COL17A1: variants seen among roughly 807,000 people sequenced by gnomAD.
The protein encoded by COL17A1 is collagen alpha-1(XVII) chain.
In COL17A1, 181 loss-of-function variants were observed where a neutral mutation model predicts 218.4. That is an observed-to-expected ratio of 0.83 (90% confidence interval 0.73 to 0.94). The LOEUF (loss-of-function observed/expected upper bound fraction) is 0.94, where lower values mean the gene tolerates loss of function less well. Ranked by LOEUF, COL17A1 falls within the 40% of genes least tolerant of loss-of-function variation. The pLI, the probability that COL17A1 is intolerant of heterozygous loss-of-function variation, is 0.00. For synonymous variants in COL17A1, 721 were observed against 731.0 expected (o/e 0.99, Z 0.22); for missense variants, 1,924 against 1,945.9 (o/e 0.99, Z 0.21).
chr10:104,078,945 G>A (rs2274107), intron 2 of COL17A1, among the ~76,000 whole-genome samples: 21,892 of 152,176 alleles, frequency 0.14, 1,854 homozygotes, highest in South Asian at 0.21. Flanking sequence ...AAGTCACTCC[G>A]TTTCTCTGCA....
At position 104,038,503 on chromosome 10, in the gene COL17A1, C is replaced by T. The variant is rs2086325535; in HGVS notation, c.2973G>A (p.Val991=). Residue 991 remains valine, a synonymous_variant, in exon 45 of 56, where the codon GTG becomes GTA. Coordinates refer to ENST00000648076, the MANE Select transcript of COL17A1 (RefSeq NM_000494.4). ...GCCCAGGGGGCCCTGGCGGGCCTGA[C>T]ACGTACATGGTACTTGATGATCCCC... ...SEGGSSSTMY[V]SGPPGPPGPP... The T allele has an allele frequency of 3.1e-6, 5 of 1,613,492 alleles. No individual in the cohort carries two copies. The highest frequency in any genetic ancestry group is 2.7e-5 in the African/African-American group (2 of 75,010).
chr10:104,067,763 G>A (rs1406401097), intron 9 of COL17A1, among the ~76,000 whole-genome samples: 1 of 152,150 alleles, frequency 6.6e-6, no homozygotes, highest in African/African-American at 2.4e-5. Context: ...TTAACATGGC[G>A]AGTGCGCTGG....
At chr10:104,036,709 C>A in intron 47 of COL17A1, 77 bp from the exon 48 acceptor site, 1 of 1,554,320 alleles carries the variant, frequency 6.4e-7, no homozygotes, top group Admixed American at 1.8e-5. Flanking sequence ...ACAGCCTGGG[C>A]TCCCCTGCAC....
At chr10:104,048,172 T>C in intron 29 of COL17A1, 68 bp from the exon 30 acceptor site, 2 of 1,561,672 alleles carry the variant, frequency 1.3e-6, no homozygotes, top group East Asian at 2.2e-5. Flanking sequence ...CCCTCTACTG[T>C]CCCAGTGGCC....
chr10:104,036,758 G>A (rs767724439), intron 47 of COL17A1, 126 bp from the exon 48 acceptor site: 4 of 1,192,440 alleles, frequency 3.4e-6, no homozygotes, highest in Non-Finnish European at 4.8e-6. Flanking sequence ...TTCTGGGTCC[G>A]CAGGACCACG....
chr10:104,062,614 C>G (rs904031909), intron 11 of COL17A1, among the ~76,000 whole-genome samples: 10 of 152,032 alleles, frequency 6.6e-5, no homozygotes, highest in African/African-American at 2.4e-4. Flanking sequence ...GCTGACAGAT[C>G]TCTCAAAATT....
rs2086331738 is a variant in COL17A1 at position 104,039,096 on chromosome 10, A to G, written c.2922T>C (p.Leu974=). The stretch of plus-strand genomic sequence containing the variant: ...CTTCAGAAGGACCACTAGGAATGCC[A>G]AGAGCCCCTGGAACACCTGGATCAC... ...DKGDPGVPGA[L]GIPSGPSEGG... is the part of the protein sequence containing the mutation. The change falls in exon 44 of 56, where the codon CTT becomes CTC. Residue 974 remains leucine, a synonymous_variant. Coordinates refer to ENST00000648076, the MANE Select transcript of COL17A1 (RefSeq NM_000494.4). 1.9e-6 allele frequency: 3 copies of G among 1,614,180 alleles called. No homozygotes were observed. Among genetic ancestry groups the G allele is most frequent in the African/African-American group, 1.3e-5 (1 of 75,050 alleles).
chr10:104,067,759 T>C (rs1038568430), intron 9 of COL17A1, among the ~76,000 whole-genome samples: 1 of 151,744 alleles, frequency 6.6e-6, no homozygotes, highest in Non-Finnish European at 1.5e-5. Context: ...GCTGTTAACA[T>C]GGCGAGTGCG....
rs187339336 is a variant in COL17A1 at position 104,068,731 on chromosome 10, T to C, written c.607+1695A>G. On this transcript the variant is annotated intron_variant, in intron 9 of 55. Transcript: ENST00000648076. Reference sequence around the variant, plus strand: ...GCAGAGATAGCCATAGGCAAAACTATAGAAGCTGTGGGGAACAGGCTTGCA... The same window carrying C: ...GCAGAGATAGCCATAGGCAAAACTACAGAAGCTGTGGGGAACAGGCTTGCA... Among the ~76,000 whole-genome samples the C allele has an allele frequency of 3.7e-3, 557 of 152,346 alleles. 4 individuals carry two copies. Among genetic ancestry groups the C allele is most frequent in the Non-Finnish European group, 6.0e-3 (408 of 68,030 alleles).
intron 35 of COL17A1, 92 bp from the exon 36 acceptor site, chr10:104,042,547 G>T: frequency 7.9e-7 from 1 of 1,267,370 alleles, no homozygotes. Context: ...GCATGGAACA[G>T]AGACCCAAAG....
At chr10:104,079,115 T>A (rs1335399287) in intron 2 of COL17A1, among the ~76,000 whole-genome samples, 1 of 152,154 alleles carries the variant, frequency 6.6e-6, no homozygotes, top group Non-Finnish European at 1.5e-5. Context: ...GAAGGAAGGG[T>A]GCTCCTGGTA....
At chr10:104,042,593 C>T (rs978106335) in intron 35 of COL17A1, 138 bp from the exon 36 acceptor site, 39 of 833,836 alleles carry the variant, frequency 4.7e-5, no homozygotes, top group Non-Finnish European at 7.0e-5. Flanking sequence ...ATAAGCAATT[C>T]GAGATCAGCC....
chr10:104,053,431 G>A (rs1234906216), intron 22 of COL17A1, among the ~76,000 whole-genome samples: 3 of 152,046 alleles, frequency 2.0e-5, no homozygotes, highest in African/African-American at 4.8e-5. Context: ...GCCTCCTCTC[G>A]GCCCATCCCT....
rs922346003 is a variant in COL17A1 at position 104,031,808 on chromosome 10, C to T, written c.*427G>A. 1.5e-5 allele frequency: 4 copies of T among 258,770 alleles called. No homozygotes were observed. Among genetic ancestry groups the T allele is most frequent in the Non-Finnish European group, 3.0e-5 (4 of 131,658 alleles). The allele number at this position is 258,770 out of a possible 1,614,324, so 16.0% of individuals were successfully genotyped here. On this transcript the variant is annotated 3_prime_UTR_variant, in exon 56 of 56. Transcript: ENST00000648076. Reference sequence around the variant, plus strand: ...CACAGCCTTAGAACAGTAACCAGAACACACCCCCATCAAGTGTCACCTCCA... The same window carrying T: ...CACAGCCTTAGAACAGTAACCAGAATACACCCCCATCAAGTGTCACCTCCA...
chr10:104,073,200 C>T lies in COL17A1; in HGVS notation c.415+10G>A, dbSNP rs1244651497. 1.2e-6 allele frequency: 2 copies of T among 1,613,422 alleles called. No homozygotes were observed. On this transcript the variant is annotated intron_variant, in intron 7 of 55. Coordinates refer to ENST00000648076, the MANE Select transcript of COL17A1 (RefSeq NM_000494.4). The stretch of plus-strand genomic sequence containing the variant: ...GAATGAATTGGACTGAACCCAGTGA[C>T]AGCACTCACCTCGTGTTTGACTCCG...
At chr10:104,076,859 GT>G (rs1020927484) in intron 4 of COL17A1, among the ~76,000 whole-genome samples, 4 of 152,084 alleles carry the variant, frequency 2.6e-5, no homozygotes, top group African/African-American at 9.7e-5. Flanking sequence ...TTTTTGTTTT[GT>G]TTTTGCCTTG....
intron 4 of COL17A1, 94 bp from the exon 5 acceptor site, chr10:104,076,523 A>G: frequency 6.3e-7 from 1 of 1,575,340 alleles, no homozygotes; most frequent in Non-Finnish European, 8.7e-7. Flanking sequence ...AAGTACACTC[A>G]GGGAGGGTCT....
chr10:104,073,910 G>A, intron 6 of COL17A1: 1 of 434,136 alleles, frequency 2.3e-6, no homozygotes, highest in Non-Finnish European at 4.3e-6. Flanking sequence ...CTTGGCCTTA[G>A]GGGCTTATCC....
rs769178942 is a variant in COL17A1 at position 104,034,747 on chromosome 10, G to A, written c.3640C>T (p.Pro1214Ser). 4 of 1,612,654 alleles carry A rather than the reference G, an allele frequency of 2.5e-6. No individual in the cohort carries two copies. Among genetic ancestry groups the A allele is most frequent in the Non-Finnish European group, 2.5e-6 (3 of 1,179,688 alleles). The change falls in exon 51 of 56, where the codon CCA becomes TCA. Residue 1214 changes from proline to serine, a missense_variant. Physicochemically the swap from Pro to Ser is moderately conservative, Grantham distance 74. Transcript: ENST00000648076. ...GGACCAGGAGGTCCTGGAGGGCCTG[G>A]GATGAATGACAAGCCGGCAGCTGGG... Reference protein sequence around the residue: ...YLHTAGLSFIPGPPGPPGPPG... With the variant: ...YLHTAGLSFISGPPGPPGPPG...
Sources: gnomAD v4.1 joint callset for allele counts (sites outside exome capture counted in the v4.1 genomes callset) on GRCh38, gnomAD v4.1.1 for gene constraint, MANE v1.5 for transcripts, NCBI Gene and HGNC (gene_info 2026-07-23, HGNC 2026-07-21) for gene names.